The following IL7 variants were observed in gnomAD, a reference collection of about 807,000 sequenced individuals.
IL7 encodes interleukin-7.
Under a neutral mutation model 21.6 loss-of-function variants are expected in IL7, and 3 were observed. The ratio of observed to expected loss-of-function variants is 0.14; its 90% CI spans 0.06 to 0.36. The LOEUF (loss-of-function observed/expected upper bound fraction) is 0.36. Among genes scored for constraint, IL7 ranks in the 10% least tolerant of loss-of-function variants. The pLI, the probability that IL7 is intolerant of heterozygous loss-of-function variation, is 1.00. For missense variants in IL7, 175 were observed against 200.2 expected, an observed-to-expected ratio of 0.87 and a Z score of 0.76; for synonymous variants, 62 against 68.1, an observed-to-expected ratio of 0.91 and a Z score of 0.44.
chr8:78,697,461 T>G, intron 3 of IL7: 1 of 1,610,812 alleles, frequency 6.2e-7, no homozygotes, highest in East Asian at 2.2e-5. Flanking sequence ...ATCATCAGGA[T>G]CTTCACGATT....
intron 4 of IL7, 148 bp downstream of exon 4, chr8:78,738,356 C>T (rs926732448): frequency 6.7e-5 from 43 of 642,714 alleles, no homozygotes; most frequent in Non-Finnish European, 1.1e-4. Context: ...AGCCTTTCCT[C>T]TTCTAGGATT....
At chr8:78,717,503 CAAA>C (rs5892663), downstream of IL7, 32 of 1,257,506 alleles carry the variant, frequency 2.5e-5, no homozygotes, top group South Asian at 1.2e-4. Flanking sequence ...AATAGAATCT[CAAA>C]AAAAAAAAAA....
At chr8:78,696,285 C>T (rs1402388812) in intron 3 of IL7, among the ~76,000 whole-genome samples, 5 of 152,152 alleles carry the variant, frequency 3.3e-5, no homozygotes, top group Non-Finnish European at 7.4e-5. Flanking sequence ...CCACCTGCCT[C>T]GGCCTTCCAA....
chr8:78,792,626 C>T (rs1813732934), intron 2 of IL7, among the ~76,000 whole-genome samples: 1 of 151,860 alleles, frequency 6.6e-6, no homozygotes. Flanking sequence ...ATAAACAATT[C>T]TCCAAAAGAA....
intron 2 of IL7, among the ~76,000 whole-genome samples, chr8:78,789,178 TC>T (rs1813606371): frequency 6.6e-6 from 1 of 152,144 alleles, no homozygotes; most frequent in Admixed American, 6.5e-5. Flanking sequence ...GCAGTCTCTA[TC>T]TTTTAATTAG....
Position 78,743,798 on chromosome 8 carries a change from T to A in IL7, c.148-3716A>T, listed in dbSNP as rs570567578. Among the ~76,000 whole-genome samples, 15 of 151,948 alleles carry A rather than the reference T, an allele frequency of 9.9e-5. No homozygotes were observed. In the South Asian group the frequency reaches 2.9e-3, roughly 30 times the overall value. ...CTTCAATGTTCGACGTTGCCTACCT[T>A]TTTTTTTCCCCCTGGCACAATTTGG... On this transcript the variant is annotated intron_variant, in intron 2 of 5. Coordinates refer to ENST00000263851, the MANE Select transcript of IL7 (RefSeq NM_000880.4).
At chr8:78,760,737 A>C (rs1366424940) in intron 2 of IL7, 1 of 1,573,852 alleles carries the variant, frequency 6.4e-7, no homozygotes, top group African/African-American at 1.4e-5. Flanking sequence ...TGAGATTCCA[A>C]GTTACCCTGG....
chr8:78,745,128 T>C (rs1811936016), intron 2 of IL7, among the ~76,000 whole-genome samples: 1 of 152,218 alleles, frequency 6.6e-6, no homozygotes, highest in African/African-American at 2.4e-5. Context: ...CCACTCCTTT[T>C]CTTTCAAGTT....
chr8:78,763,157 T>C (rs548565936), intron 2 of IL7, among the ~76,000 whole-genome samples: 5 of 152,354 alleles, frequency 3.3e-5, no homozygotes, highest in East Asian at 1.9e-4. Flanking sequence ...GTGAGTAGAA[T>C]TGGCCAATAT....
chr8:78,771,559 G>T (rs750380923), intron 2 of IL7, among the ~76,000 whole-genome samples: 7 of 152,042 alleles, frequency 4.6e-5, no homozygotes, highest in South Asian at 2.1e-4. Flanking sequence ...ATGGAGAAAC[G>T]CAGAGTCAAA....
intron 3 of IL7, chr8:78,697,480 C>A: frequency 6.2e-7 from 1 of 1,608,298 alleles, no homozygotes; most frequent in Non-Finnish European, 8.5e-7. Context: ...TTACCGCAGC[C>A]AAGTGGCGCT....
At chr8:78,781,944 G>A (rs542032022) in intron 2 of IL7, among the ~76,000 whole-genome samples, 19 of 151,720 alleles carry the variant, frequency 1.3e-4, no homozygotes, top group Admixed American at 4.6e-4. Context: ...CTCTAATTTT[G>A]TGTCTTATTT....
chr8:78,713,520 A>G (rs1242841554), downstream of IL7, among the ~76,000 whole-genome samples: 2 of 152,072 alleles, frequency 1.3e-5, no homozygotes, highest in African/African-American at 4.8e-5. Context: ...ATGATTTCCT[A>G]AAGATTGAAT....
At chr8:78,787,784 T>C (rs544537152) in intron 2 of IL7, among the ~76,000 whole-genome samples, 2 of 152,176 alleles carry the variant, frequency 1.3e-5, no homozygotes, top group Non-Finnish European at 2.9e-5. Flanking sequence ...TTTTTCAGGA[T>C]GTTGTCCACT....
At chr8:78,684,456 C>T (rs1026902450) in intron 4 of IL7, among the ~76,000 whole-genome samples, 20 of 152,140 alleles carry the variant, frequency 1.3e-4, no homozygotes, top group African/African-American at 3.9e-4. Flanking sequence ...CCCCGTGATT[C>T]AATTACCTCC....
intron 2 of IL7, among the ~76,000 whole-genome samples, chr8:78,746,319 C>A (rs1297960775): frequency 6.6e-6 from 1 of 152,186 alleles, no homozygotes; most frequent in African/African-American, 2.4e-5. Flanking sequence ...GTCATCTGGA[C>A]TCCATCAGGA....
At chr8:78,691,889 T>C (rs564879075) in intron 3 of IL7, among the ~76,000 whole-genome samples, 1 of 152,284 alleles carries the variant, frequency 6.6e-6, no homozygotes, top group South Asian at 2.1e-4. Context: ...GCCTTATTTA[T>C]ATATTTATTG....
At chr8:78,803,782 A>G (rs1814178928) in intron 1 of IL7, among the ~76,000 whole-genome samples, 1 of 152,146 alleles carries the variant, frequency 6.6e-6, no homozygotes, top group South Asian at 2.1e-4. Flanking sequence ...CTCCGGGAGG[A>G]CATTCCTTAG....
At chr8:78,683,072 A>G (rs994444242) in intron 4 of IL7, among the ~76,000 whole-genome samples, 1 of 152,198 alleles carries the variant, frequency 6.6e-6, no homozygotes, top group Non-Finnish European at 1.5e-5. Context: ...TTGTCTTTGC[A>G]GGGTACAGCC....
Sources: allele counts gnomAD v4.1 joint callset (sites outside exome capture counted in the v4.1 genomes callset), GRCh38; gene constraint gnomAD v4.1.1; transcripts MANE v1.5; gene names NCBI Gene and HGNC (gene_info 2026-07-23, HGNC 2026-07-21).